ITGAV: variants seen among roughly 807,000 people sequenced by gnomAD.
The protein encoded by ITGAV is integrin alpha-V.
Under a neutral mutation model 143.8 loss-of-function variants are expected in ITGAV, and 76 were observed. That is an observed-to-expected ratio of 0.53 (90% CI 0.44 to 0.64). The LOEUF is 0.64. Among genes scored for constraint, ITGAV ranks in the 30% least tolerant of loss-of-function variants. The probability of loss-of-function intolerance (pLI) is 0.00; values close to 1 mark genes in which losing one functional copy is unlikely to be tolerated. For synonymous variants in ITGAV, 453 were observed against 446.7 expected (o/e 1.01, Z -0.18); for missense variants, 1,193 against 1,274.7 (o/e 0.94, Z 0.98).
chr2:186,673,268 T>C (rs764805935), intron 26 of ITGAV, among the ~76,000 whole-genome samples: 11 of 152,374 alleles, frequency 7.2e-5, no homozygotes, highest in Non-Finnish European at 1.5e-4. Flanking sequence ...TTCTATTCAG[T>C]TGACCTATAT....
intron 26 of ITGAV, among the ~76,000 whole-genome samples, chr2:186,674,462 T>C (rs1474009547): frequency 6.6e-6 from 1 of 152,162 alleles, no homozygotes; most frequent in East Asian, 1.9e-4. Context: ...GATCCTGTCA[T>C]CTACAAAGAG....
intron 17 of ITGAV, among the ~76,000 whole-genome samples, 161 bp from the exon 18 acceptor site, chr2:186,658,876 CT>C (rs1279532592): frequency 6.6e-6 from 1 of 152,124 alleles, no homozygotes; most frequent in Non-Finnish European, 1.5e-5. Flanking sequence ...GGATAATCTT[CT>C]TTTGGATATT....
intron 2 of ITGAV, among the ~76,000 whole-genome samples, chr2:186,620,268 A>T (rs1687485097): frequency 6.6e-6 from 1 of 152,162 alleles, no homozygotes; most frequent in Non-Finnish European, 1.5e-5. Context: ...TGTTCCCATA[A>T]GAGGCAGACT....
intron 7 of ITGAV, among the ~76,000 whole-genome samples, chr2:186,636,743 T>C (rs1409232572): frequency 6.6e-6 from 1 of 152,226 alleles, no homozygotes; most frequent in Admixed American, 6.5e-5. Context: ...ACAAGTCATA[T>C]ATGACAGAAA....
At position 186,606,533 on chromosome 2, in the gene ITGAV, C is replaced by A. The variant is rs1486681071; in HGVS notation, c.316+4382C>A. ...CATGAGCTGTTTCATGTCGCTATTC[C>A]TCCCTTTTGCCTTCTTAGAGACCCT... On this transcript the variant is annotated intron_variant, in intron 2 of 29. Coordinates refer to ENST00000261023, the MANE Select transcript of ITGAV (RefSeq NM_002210.5). Among the ~76,000 whole-genome samples the A allele has an allele frequency of 2.0e-5, 3 of 152,116 alleles. No homozygotes were observed. The East Asian group carries it at 5.8e-4, about 29-fold the overall frequency.
intron 2 of ITGAV, among the ~76,000 whole-genome samples, chr2:186,613,458 G>A (rs543803091): frequency 2.0e-5 from 3 of 151,844 alleles, no homozygotes; most frequent in Non-Finnish European, 4.4e-5. Context: ...GACTCTTTTT[G>A]TTTATTTTTG....
In ITGAV at chr2:186,680,441, T is replaced by C. The variant is rs1450792064; in HGVS notation, c.*3149T>C. 6.6e-6 allele frequency: 1 copy of C among 152,580 alleles called. No homozygotes were observed. The highest frequency in any genetic ancestry group is 1.5e-5 in the Non-Finnish European group (1 of 67,980). 9.5% of individuals were successfully genotyped at this position (152,580 alleles called of 1,614,324 possible). A position where few individuals can be genotyped will look rare whatever the true frequency, so the allele number is the denominator to read the frequency against. On this transcript the variant is annotated 3_prime_UTR_variant, in exon 30 of 30. Transcript: ENST00000261023. ...AACTTCTTGGGAGAGGTACTGAATCTTTGATGTTTTTTGTCATTGTTCTCA... is the reference window on the plus strand; with the variant it reads ...AACTTCTTGGGAGAGGTACTGAATCCTTGATGTTTTTTGTCATTGTTCTCA...
At chr2:186,609,829 G>A (rs1418149315) in intron 2 of ITGAV, among the ~76,000 whole-genome samples, 4 of 151,990 alleles carry the variant, frequency 2.6e-5, no homozygotes, top group Non-Finnish European at 4.4e-5. Flanking sequence ...AGGGTTATAC[G>A]TGTGTGGTGG....
Position 186,678,626 on chromosome 2 carries a change from A to G in ITGAV, c.*1334A>G. 1 of 374,966 alleles carries G rather than the reference A, an allele frequency of 2.7e-6. No homozygotes were observed. The highest frequency in any genetic ancestry group is 5.2e-6 in the Non-Finnish European group (1 of 192,078). The allele number at this position is 374,966 out of a possible 1,614,324, so 23.2% of individuals were successfully genotyped here. On this transcript the variant is annotated 3_prime_UTR_variant, in exon 30 of 30. Transcript: ENST00000261023. ...TATTAATAAAAGCCACATAGGTGGC[A>G]AGTTGTAGTTTTATATGGCTCTGTA...
At chr2:186,628,853 G>A (rs1168741304) in intron 4 of ITGAV, among the ~76,000 whole-genome samples, 1 of 151,962 alleles carries the variant, frequency 6.6e-6, no homozygotes, top group Admixed American at 6.6e-5. Context: ...TTATTGATTT[G>A]AAACAGTACA....
intron 2 of ITGAV, among the ~76,000 whole-genome samples, chr2:186,617,943 C>T (rs1461094905): frequency 6.6e-6 from 1 of 152,082 alleles, no homozygotes; most frequent in Non-Finnish European, 1.5e-5. Flanking sequence ...TCAGCATAGT[C>T]CAGGCTATCT....
chr2:186,652,054 C>T lies in ITGAV; in HGVS notation c.1470C>T (p.Thr490=). ...YPSILNQDNK[T]CSLPGTALKV... ...GCATTTTAAATCAAGACAATAAAACCTGCTCACTGCCTGGAACAGCTCTCA... is the reference window on the plus strand; with the variant it reads ...GCATTTTAAATCAAGACAATAAAACTTGCTCACTGCCTGGAACAGCTCTCA... Residue 490 remains threonine (T), a synonymous_variant, in exon 15 of 30, where the codon ACC becomes ACT. Coordinates refer to ENST00000261023, the MANE Select transcript of ITGAV (RefSeq NM_002210.5). 1 of 1,612,412 alleles carries T rather than the reference C, an allele frequency of 6.2e-7. No homozygotes were observed. The highest frequency in any genetic ancestry group is 8.5e-7 in the Non-Finnish European group (1 of 1,178,558).
At chr2:186,635,777 G>C (rs1687930950) in intron 6 of ITGAV, among the ~76,000 whole-genome samples, 1 of 152,144 alleles carries the variant, frequency 6.6e-6, no homozygotes, top group Non-Finnish European at 1.5e-5. Flanking sequence ...TGGATTAGTT[G>C]GGTGATAGCC....
intron 26 of ITGAV, among the ~76,000 whole-genome samples, chr2:186,673,748 A>G (rs1012469618): frequency 2.0e-5 from 3 of 151,710 alleles, no homozygotes; most frequent in Non-Finnish European, 4.4e-5. Context: ...ACTCATTGCA[A>G]CCTCCACCTC....
At chr2:186,614,953 T>A (rs1201841607) in intron 2 of ITGAV, among the ~76,000 whole-genome samples, 1 of 152,062 alleles carries the variant, frequency 6.6e-6, no homozygotes. Flanking sequence ...ATTACTACAG[T>A]CTAATTCCAG....
intron 2 of ITGAV, among the ~76,000 whole-genome samples, chr2:186,609,793 C>CACAT (rs1559041635): frequency 6.6e-6 from 1 of 150,426 alleles, no homozygotes. Context: ...ATGTGCCCTA[C>CACAT]ATATATATAT....
chr2:186,644,902 C>T (rs1688211005), intron 12 of ITGAV, among the ~76,000 whole-genome samples: 1 of 151,776 alleles, frequency 6.6e-6, no homozygotes, highest in Non-Finnish European at 1.5e-5. Flanking sequence ...GATGAGTGAT[C>T]AAGGCATCGT....
intron 1 of ITGAV, 51 bp from the exon 2 acceptor site, chr2:186,601,970 T>A (rs1686920401): frequency 1.3e-6 from 2 of 1,564,290 alleles, no homozygotes; most frequent in Non-Finnish European, 1.7e-6. Flanking sequence ...CAGAAGATAT[T>A]GCTTACACTT....
chr2:186,641,377 T>A lies in ITGAV; in HGVS notation c.957-9T>A, dbSNP rs1282693568. On this transcript the variant is annotated splice_polypyrimidine_tract_variant and intron_variant, in intron 11 of 29. Coordinates refer to ENST00000261023, the MANE Select transcript of ITGAV (RefSeq NM_002210.5). ...TTCTTGCTTTGGTGAGAAGTTTCTG[T>A]TCTTCTAGTTATGCAGATGTGTTTA... 6.2e-7 allele frequency: 1 copy of A among 1,610,336 alleles called. No individual in the cohort carries two copies. The highest frequency in any genetic ancestry group is 1.3e-5 in the African/African-American group (1 of 74,822).
Sources: gnomAD v4.1 joint callset for allele counts (sites outside exome capture counted in the v4.1 genomes callset) on GRCh38, gnomAD v4.1.1 for gene constraint, MANE v1.5 for transcripts, NCBI Gene and HGNC (gene_info 2026-07-23, HGNC 2026-07-21) for gene names.